Variants in RNF150 observed in about 807,000 individuals in gnomAD.
RNF150 encodes ring finger protein 150.
RNF150 carries 24 observed loss-of-function variants against 39.3 expected under a neutral mutation model. That is an observed-to-expected ratio of 0.61 (90% CI 0.44 to 0.86). The LOEUF (loss-of-function observed/expected upper bound fraction) is 0.86. Among genes scored for constraint, RNF150 ranks in the 40% least tolerant of loss-of-function variants. The pLI is 0.00. For synonymous variants in RNF150, 255 were observed against 227.3 expected (o/e 1.12, Z -1.10); for missense variants, 502 against 587.8 (o/e 0.85, Z 1.51).
At chr4:141,050,229 A>T (rs1241724244) in intron 1 of RNF150, among the ~76,000 whole-genome samples, 3 of 151,320 alleles carry the variant, frequency 2.0e-5, no homozygotes, top group Non-Finnish European at 4.4e-5. Context: ...GATTTTTATT[A>T]TTTTTTTTTC....
chr4:141,114,575 C>G (rs1272708941), intron 1 of RNF150, among the ~76,000 whole-genome samples: 8 of 152,160 alleles, frequency 5.3e-5, no homozygotes, highest in Admixed American at 5.2e-4. Flanking sequence ...CAGCCGAATT[C>G]TACCAAGAGC....
intron 3 of RNF150, among the ~76,000 whole-genome samples, chr4:140,948,533 C>A (rs1452535247): frequency 6.6e-6 from 1 of 152,168 alleles, no homozygotes; most frequent in Non-Finnish European, 1.5e-5. Flanking sequence ...CATACTATTG[C>A]TTTTGGCTTT....
chr4:140,888,332 A>G (rs570471112), intron 6 of RNF150, among the ~76,000 whole-genome samples: 5 of 152,232 alleles, frequency 3.3e-5, no homozygotes, highest in Admixed American at 2.6e-4. Flanking sequence ...AAATTACTGA[A>G]ATTCACCTAG....
intron 1 of RNF150, among the ~76,000 whole-genome samples, chr4:140,986,830 T>C (rs1473925093): frequency 1.3e-5 from 2 of 152,038 alleles, no homozygotes; most frequent in Admixed American, 1.3e-4. Flanking sequence ...AAGAATCAAG[T>C]TATCTTTTTT....
At chr4:140,917,201 T>C (rs1362513121) in intron 5 of RNF150, among the ~76,000 whole-genome samples, 1 of 152,118 alleles carries the variant, frequency 6.6e-6, no homozygotes, top group Non-Finnish European at 1.5e-5. Context: ...AATATTAACC[T>C]TAAATGTAAA....
intron 6 of RNF150, among the ~76,000 whole-genome samples, chr4:140,883,237 G>A (rs6827744): frequency 0.98 from 149,715 of 152,288 alleles, 73,645 homozygotes; most frequent in East Asian, 1. Context: ...ATCCATTAAA[G>A]TAGTTTTTTT....
chr4:140,861,594 T>G lies in RNF150; in HGVS notation c.*6667A>C, dbSNP rs752866219. On this transcript the variant is annotated 3_prime_UTR_variant, in exon 7 of 7. Coordinates refer to ENST00000515673, the MANE Select transcript of RNF150 (RefSeq NM_020724.2). ...ACATCCTACTGAACAGTAAGTACCA[T>G]GGATGCCAACACAAATTCAGACCGA... 3.9e-5 allele frequency: 6 copies of G among 152,236 alleles called. No individual in the cohort carries two copies. Among genetic ancestry groups the G allele is most frequent in the African/African-American group, 1.4e-4 (6 of 41,466 alleles). 9.4% of individuals were successfully genotyped at this position (152,236 alleles called of 1,614,324 possible). A position where few individuals can be genotyped will look rare whatever the true frequency, so the allele number is the denominator to read the frequency against.
At chr4:141,100,170 T>G (rs1397672359) in intron 1 of RNF150, among the ~76,000 whole-genome samples, 1 of 152,204 alleles carries the variant, frequency 6.6e-6, no homozygotes, top group Non-Finnish European at 1.5e-5. Flanking sequence ...AGATTTTGCT[T>G]CTTTACCCAA....
chr4:141,114,727 C>T (rs931344987), intron 1 of RNF150, among the ~76,000 whole-genome samples: 1 of 152,128 alleles, frequency 6.6e-6, no homozygotes, highest in Non-Finnish European at 1.5e-5. Context: ...TGATGAACAT[C>T]CATGCAAAAA....
intron 4 of RNF150, among the ~76,000 whole-genome samples, chr4:140,937,841 A>G (rs1731917153): frequency 6.6e-6 from 1 of 152,178 alleles, no homozygotes; most frequent in Admixed American, 6.5e-5. Context: ...ACATTTAAAA[A>G]CAGCTATAAA....
At chr4:141,039,607 C>T (rs1736281368) in intron 1 of RNF150, among the ~76,000 whole-genome samples, 1 of 152,068 alleles carries the variant, frequency 6.6e-6, no homozygotes, top group Non-Finnish European at 1.5e-5. Flanking sequence ...GTGCACACAT[C>T]CCTAACTGAG....
chr4:141,087,070 A>C (rs1295314260), intron 1 of RNF150, among the ~76,000 whole-genome samples: 1 of 152,130 alleles, frequency 6.6e-6, no homozygotes, highest in Non-Finnish European at 1.5e-5. Context: ...TTTGTTGTAC[A>C]TATTATTACA....
intron 1 of RNF150, among the ~76,000 whole-genome samples, chr4:141,192,521 G>A (rs566696866): frequency 6.6e-6 from 1 of 152,292 alleles, no homozygotes; most frequent in Admixed American, 6.5e-5. Context: ...GGGGTTGACA[G>A]TGGTGAGAAA....
In RNF150 at chr4:141,008,111, A is replaced by C. The variant is rs1483371335; in HGVS notation, c.485-40238T>G. Among the ~76,000 whole-genome samples the C allele has an allele frequency of 6.6e-5, 10 of 152,326 alleles. No homozygotes were observed. The East Asian group carries it at 1.9e-3, about 29-fold the overall frequency. On this transcript the variant is annotated intron_variant, in intron 1 of 6. Transcript: ENST00000515673. Reference sequence around the variant, plus strand: ...TAGGTTGGCTCTCCTACTACCAAAAAAACATATTCTGTAGCTATCTGCTTT... The same window carrying C: ...TAGGTTGGCTCTCCTACTACCAAAACAACATATTCTGTAGCTATCTGCTTT...
chr4:140,951,927 A>T (rs796143092), intron 2 of RNF150, among the ~76,000 whole-genome samples: 8 of 151,480 alleles, frequency 5.3e-5, no homozygotes, highest in East Asian at 3.9e-4. Flanking sequence ...ACTTAAAAAA[A>T]TTTTTTTTGA....
intron 1 of RNF150, among the ~76,000 whole-genome samples, chr4:141,200,621 C>G (rs1024946792): frequency 2.6e-5 from 4 of 152,192 alleles, no homozygotes; most frequent in Non-Finnish European, 4.4e-5. Flanking sequence ...CTAATACTAT[C>G]ACATTGGGAA....
intron 2 of RNF150, among the ~76,000 whole-genome samples, chr4:140,951,779 G>A (rs1485875060): frequency 1.4e-4 from 21 of 152,088 alleles, no homozygotes; most frequent in Non-Finnish European, 1.5e-5. Context: ...AAATGCCACA[G>A]ACCTGTAGAA....
rs555488218 is a variant in RNF150 at position 141,060,862 on chromosome 4, C to G, written c.484+71463G>C. 9.0e-4 allele frequency among the ~76,000 whole-genome samples: 137 copies of G among 152,242 alleles called. 1 individual carries two copies. The highest frequency in any genetic ancestry group is 1.8e-3 in the Non-Finnish European group (120 of 68,014). On this transcript the variant is annotated intron_variant, in intron 1 of 6. Coordinates refer to ENST00000515673, the MANE Select transcript of RNF150 (RefSeq NM_020724.2). Reference sequence around the variant, plus strand: ...CAGGGACATGGATGAAGCCAGAAACCATCATTCTAAGCAAACAACCCAAGA... The same window carrying G: ...CAGGGACATGGATGAAGCCAGAAACGATCATTCTAAGCAAACAACCCAAGA...
intron 4 of RNF150, among the ~76,000 whole-genome samples, chr4:140,934,638 T>A (rs2874599): frequency 6.6e-6 from 1 of 151,888 alleles, no homozygotes; most frequent in Non-Finnish European, 1.5e-5. Flanking sequence ...TTTCCTTGAG[T>A]TGCTTAGACA....
Sources: gnomAD v4.1 joint callset for allele counts (sites outside exome capture counted in the v4.1 genomes callset) on GRCh38, gnomAD v4.1.1 for gene constraint, MANE v1.5 for transcripts, NCBI Gene and HGNC (gene_info 2026-07-23, HGNC 2026-07-21) for gene names.